The following PRELID2 variants were observed in gnomAD, a reference collection of about 807,000 sequenced individuals.
PRELID2 encodes PRELI domain containing 2.
PRELID2 carries 25 observed loss-of-function variants against 28.4 expected under a neutral mutation model. That is an observed-to-expected ratio of 0.88 (90% confidence interval 0.64 to 1.23). PRELID2 has a LOEUF of 1.23. PRELID2 is among the 50% of genes most tolerant of loss of function. The pLI is 0.00. For missense variants in PRELID2, 201 were observed against 214.4 expected (o/e 0.94, Z 0.39); for synonymous variants, 76 against 71.6 (o/e 1.06, Z -0.31).
the PRELID2 span, among the ~76,000 whole-genome samples, chr5:145,275,516 C>T: frequency 1.3e-5 from 2 of 151,810 alleles, no homozygotes; most frequent in South Asian, 2.1e-4. Flanking sequence ...TGGGGGCAAG[C>T]GGGAGAGATT....
chr5:145,483,468 C>A (rs1248002345), intron 1 of PRELID2, among the ~76,000 whole-genome samples: 3 of 152,212 alleles, frequency 2.0e-5, no homozygotes, highest in African/African-American at 7.2e-5. Context: ...GTCCTAAGAC[C>A]AGCCTAGTCT....
At chr5:145,582,754 T>A (rs1349441231) in intron 1 of PRELID2, among the ~76,000 whole-genome samples, 1 of 151,714 alleles carries the variant, frequency 6.6e-6, no homozygotes, top group East Asian at 1.9e-4. Flanking sequence ...AGGAAGAAAA[T>A]GAATCCCTGA....
At chr5:145,435,190 A>T in the PRELID2 span, among the ~76,000 whole-genome samples, 1 of 152,206 alleles carries the variant, frequency 6.6e-6, no homozygotes, top group Non-Finnish European at 1.5e-5. Context: ...AATAAAGATG[A>T]CATTTTAGAG....
At chr5:145,255,600 T>A in the PRELID2 span, among the ~76,000 whole-genome samples, 2 of 151,570 alleles carry the variant, frequency 1.3e-5, no homozygotes, top group African/African-American at 4.8e-5. Flanking sequence ...TAGTGAGAAC[T>A]TGTCTCTATT....
chr5:145,814,481 C>A (rs1581256280), intron 4 of PRELID2, among the ~76,000 whole-genome samples: 4 of 152,138 alleles, frequency 2.6e-5, no homozygotes, highest in Admixed American at 2.6e-4. Context: ...GCAAGCCCAC[C>A]TCTGATGCCA....
chr5:145,297,896 G>C, the PRELID2 span, among the ~76,000 whole-genome samples: 1 of 151,944 alleles, frequency 6.6e-6, no homozygotes, highest in African/African-American at 2.4e-5. Flanking sequence ...AAAATACCTA[G>C]GAATCCAACT....
rs903591925 is a variant in PRELID2, at chr5:145,757,356, A to G, written c.*3180T>C. 2.6e-5 allele frequency among the ~76,000 whole-genome samples: 4 copies of G among 152,210 alleles called. No individual in the cohort carries two copies. The highest frequency in any genetic ancestry group is 9.6e-5 in the African/African-American group (4 of 41,458). On this transcript the variant is annotated 3_prime_UTR_variant, in exon 7 of 7. Transcript: ENST00000683046. Reference sequence around the variant, plus strand: ...AGAACTTTATACTGTGTCCTGAATGATCAACTGAAATTCCACGAATCAGAA... The same window carrying G: ...AGAACTTTATACTGTGTCCTGAATGGTCAACTGAAATTCCACGAATCAGAA...
chr5:145,406,470 A>G, the PRELID2 span, among the ~76,000 whole-genome samples: 3 of 152,204 alleles, frequency 2.0e-5, no homozygotes, highest in South Asian at 2.1e-4. Context: ...AGAATTAACA[A>G]GTTTTTGTTT....
the PRELID2 span, among the ~76,000 whole-genome samples, chr5:145,378,501 C>T: frequency 6.6e-6 from 1 of 152,042 alleles, no homozygotes. Context: ...TCTTTTTTCT[C>T]TATTATTGTC....
In PRELID2 at chr5:145,696,200, A is replaced by C. The variant is rs373647700; in HGVS notation, n.70+68731T>G. On this transcript the variant is annotated intron_variant and non_coding_transcript_variant, in intron 1 of 2. Coordinates refer to the PRELID2 transcript ENST00000510259. ...TTTTTTTACCAGTGTTGCTCATAAA[A>C]TAGCCATTTGCCAGTTTAGCAGCCA... 6.0e-5 allele frequency among the ~76,000 whole-genome samples: 8 copies of C among 132,902 alleles called. No homozygotes were observed. The East Asian group carries it at 1.3e-3, about 22-fold the overall frequency. The allele number at this position is 132,902 out of a possible 152,430, so 87.2% of individuals were successfully genotyped here.
chr5:145,576,804 G>C (rs1398904108), intron 1 of PRELID2, among the ~76,000 whole-genome samples: 1 of 152,074 alleles, frequency 6.6e-6, no homozygotes, highest in Non-Finnish European at 1.5e-5. Context: ...AAAATAGCTG[G>C]AAGAATTGTA....
At chr5:145,557,394 G>C (rs1752889210) in intron 1 of PRELID2, among the ~76,000 whole-genome samples, 1 of 152,138 alleles carries the variant, frequency 6.6e-6, no homozygotes, top group Admixed American at 6.5e-5. Context: ...AGAAACTTGA[G>C]GTAAAATAGC....
intron 1 of PRELID2, among the ~76,000 whole-genome samples, chr5:145,577,949 A>G (rs527686514): frequency 2.0e-4 from 31 of 152,284 alleles, no homozygotes; most frequent in Non-Finnish European, 1.6e-4. Flanking sequence ...TAGGACATTG[A>G]AACAAATGGA....
chr5:145,496,133 T>C (rs1752307770), intron 1 of PRELID2, among the ~76,000 whole-genome samples: 1 of 152,186 alleles, frequency 6.6e-6, no homozygotes, highest in Non-Finnish European at 1.5e-5. Flanking sequence ...GACAAAAATC[T>C]ACCTTTATGT....
intron 1 of PRELID2, among the ~76,000 whole-genome samples, chr5:145,514,269 T>C (rs1580964244): frequency 7.3e-6 from 1 of 136,346 alleles, no homozygotes; most frequent in East Asian, 2.1e-4. Context: ...CAGACACACA[T>C]AGGCTCAAAA....
At chr5:145,814,624 G>T (rs1754173074) in intron 4 of PRELID2, among the ~76,000 whole-genome samples, 1 of 152,048 alleles carries the variant, frequency 6.6e-6, no homozygotes, top group South Asian at 2.1e-4. Flanking sequence ...TAAATTTTCG[G>T]TTTATAGTTG....
intron 1 of PRELID2, among the ~76,000 whole-genome samples, chr5:145,661,967 T>A (rs112214493): frequency 0.013 from 1,950 of 152,172 alleles, 36 homozygotes; most frequent in African/African-American, 0.045. Context: ...AGAGCCTGAA[T>A]TGGCACTCTG....
chr5:145,250,091 A>G, the PRELID2 span, among the ~76,000 whole-genome samples: 1 of 152,120 alleles, frequency 6.6e-6, no homozygotes, highest in Non-Finnish European at 1.5e-5. Context: ...CTTTTGTAAC[A>G]TACAGTTTGG....
At chr5:145,767,921 C>T (rs1282413570) in intron 5 of PRELID2, among the ~76,000 whole-genome samples, 1 of 152,070 alleles carries the variant, frequency 6.6e-6, no homozygotes, top group African/African-American at 2.4e-5. Context: ...TTAAGAGGTA[C>T]CTTCCATTTA....
Sources: gnomAD v4.1 joint callset for allele counts (sites outside exome capture counted in the v4.1 genomes callset) on GRCh38, gnomAD v4.1.1 for gene constraint, MANE v1.5 for transcripts, NCBI Gene and HGNC (gene_info 2026-07-23, HGNC 2026-07-21) for gene names.